Variants in LRRC37A2 observed in about 807,000 individuals in gnomAD.
LRRC37A2 encodes leucine rich repeat containing 37 member A2, also known as leucine-rich repeat-containing protein 37A2.
Under a neutral mutation model 68.8 loss-of-function variants are expected in LRRC37A2, and 9 were observed. That is an observed-to-expected ratio of 0.13 (90% confidence interval 0.08 to 0.23). LRRC37A2 has a LOEUF of 0.23. Ranked by LOEUF, LRRC37A2 falls within the 10% of genes least tolerant of loss-of-function variation. The probability of loss-of-function intolerance (pLI) is 1.00; values close to 1 mark genes in which losing one functional copy is unlikely to be tolerated. For synonymous variants in LRRC37A2, 63 were observed against 367.6 expected (o/e 0.17, Z 9.48); for missense variants, 168 against 950.4 (o/e 0.18, Z 10.82).
chr17:47,022,769 C>T, the LRRC37A2 span, among the ~76,000 whole-genome samples: 1 of 152,300 alleles, frequency 6.6e-6, no homozygotes, highest in East Asian at 1.9e-4. Flanking sequence ...ATTTAAACTC[C>T]TGCATAATCC....
At chr17:46,967,417 C>T in the LRRC37A2 span, among the ~76,000 whole-genome samples, 1 of 152,164 alleles carries the variant, frequency 6.6e-6, no homozygotes, top group Non-Finnish European at 1.5e-5. Flanking sequence ...CCAAGATATA[C>T]GAAGATAGTA....
chr17:46,934,812 C>G, the LRRC37A2 span, among the ~76,000 whole-genome samples: 1 of 152,146 alleles, frequency 6.6e-6, no homozygotes, highest in Non-Finnish European at 1.5e-5. Context: ...GAGTGGAACT[C>G]ATTTGGAGAG....
the LRRC37A2 span, chr17:46,952,774 G>A: frequency 6.6e-6 from 1 of 152,184 alleles, no homozygotes; most frequent in African/African-American, 2.4e-5. Flanking sequence ...AGCCATGCCT[G>A]AAGCCTCAGA....
the LRRC37A2 span, among the ~76,000 whole-genome samples, chr17:46,790,610 T>A: frequency 6.6e-6 from 1 of 152,250 alleles, no homozygotes; most frequent in South Asian, 2.1e-4. Flanking sequence ...TCCAAGTTGT[T>A]AGGATCAACC....
chr17:46,921,097 G>C, the LRRC37A2 span: 3 of 151,812 alleles, frequency 2.0e-5, no homozygotes, highest in Non-Finnish European at 1.5e-5. Flanking sequence ...TGCTAGAATC[G>C]CAAATAGCCA....
chr17:46,730,074 C>T, the LRRC37A2 span, among the ~76,000 whole-genome samples: 1 of 151,968 alleles, frequency 6.6e-6, no homozygotes, highest in Non-Finnish European at 1.5e-5. Flanking sequence ...AGTAAGTAAA[C>T]GTATATATCT....
the LRRC37A2 span, among the ~76,000 whole-genome samples, chr17:46,919,116 A>T: frequency 6.6e-6 from 1 of 152,132 alleles, no homozygotes; most frequent in Non-Finnish European, 1.5e-5. Flanking sequence ...GTGGTGTCTT[A>T]CTCATCTTTG....
chr17:46,846,677 G>C, the LRRC37A2 span, among the ~76,000 whole-genome samples: 1 of 152,242 alleles, frequency 6.6e-6, no homozygotes, highest in Non-Finnish European at 1.5e-5. Context: ...TGAACTCAAA[G>C]ATGCTGCTGG....
the LRRC37A2 span, chr17:46,831,029 G>A: frequency 2.9e-6 from 1 of 339,766 alleles, no homozygotes; most frequent in African/African-American, 2.1e-5. Context: ...CTTTTCAGTT[G>A]ACGTTATTAA....
At chr17:47,015,312 T>C in the LRRC37A2 span, among the ~76,000 whole-genome samples, 3 of 152,172 alleles carry the variant, frequency 2.0e-5, no homozygotes, top group Non-Finnish European at 4.4e-5. Context: ...CCAGGCCCCA[T>C]TTTTGTCTTT....
At chr17:46,779,403 G>C in the LRRC37A2 span, among the ~76,000 whole-genome samples, 1 of 152,070 alleles carries the variant, frequency 6.6e-6, no homozygotes, top group African/African-American at 2.4e-5. Flanking sequence ...GCTGGGCCAG[G>C]GGCTATTTAT....
chr17:46,896,006 C>T, the LRRC37A2 span, among the ~76,000 whole-genome samples: 5 of 152,030 alleles, frequency 3.3e-5, no homozygotes, highest in African/African-American at 4.8e-5. Context: ...AGGCTGGGCG[C>T]AGTGGCTCAT....
At chr17:47,018,645 C>A in the LRRC37A2 span, 5 of 1,520,322 alleles carry the variant, frequency 3.3e-6, no homozygotes, top group Admixed American at 1.7e-5. Context: ...GTCTCCGGAA[C>A]CTATTAATAA....
At chr17:46,710,008 A>G in the LRRC37A2 span, among the ~76,000 whole-genome samples, 2 of 152,224 alleles carry the variant, frequency 1.3e-5, no homozygotes, top group Non-Finnish European at 2.9e-5. Context: ...ATCACTGGAT[A>G]CTGTTTCAAA....
chr17:46,939,312 C>G, the LRRC37A2 span: 1 of 1,012,456 alleles, frequency 9.9e-7, no homozygotes, highest in Non-Finnish European at 1.2e-6. Flanking sequence ...TACTTGTCAC[C>G]ATTCCCTGGA....
the LRRC37A2 span, among the ~76,000 whole-genome samples, chr17:46,904,600 G>A: frequency 3.3e-3 from 503 of 152,020 alleles, 2 homozygotes; most frequent in Non-Finnish European, 6.2e-3. Flanking sequence ...AGATGTGCAG[G>A]TGAGTGGGTG....
chr17:46,788,048 C>T, the LRRC37A2 span, among the ~76,000 whole-genome samples: 2 of 151,890 alleles, frequency 1.3e-5, no homozygotes, highest in African/African-American at 4.8e-5. Flanking sequence ...TGTGAGAAGT[C>T]CCACTTGGGA....
chr17:46,884,791 C>T, the LRRC37A2 span, among the ~76,000 whole-genome samples: 1 of 152,150 alleles, frequency 6.6e-6, no homozygotes, highest in Non-Finnish European at 1.5e-5. Flanking sequence ...AGCTTTCAGA[C>T]CCAGTGAAGG....
chr17:46,773,350 T>A, the LRRC37A2 span, among the ~76,000 whole-genome samples: 1 of 152,070 alleles, frequency 6.6e-6, no homozygotes, highest in African/African-American at 2.4e-5. Context: ...GGTATTTGCA[T>A]AGCACTTAAC....
Sources: allele counts gnomAD v4.1 joint callset (sites outside exome capture counted in the v4.1 genomes callset), GRCh38; gene constraint gnomAD v4.1.1; transcripts MANE v1.5; gene names NCBI Gene and HGNC (gene_info 2026-07-23, HGNC 2026-07-21).